Variants in MYO3B observed in about 807,000 individuals in gnomAD.
MYO3B encodes myosin IIIB.
A neutral mutation model predicts 174.6 loss-of-function variants in MYO3B; 156 were observed. That is an observed-to-expected ratio of 0.89 (90% confidence interval 0.78 to 1.02). MYO3B has a LOEUF of 1.02. Among genes scored for constraint, MYO3B ranks in the 50% least tolerant of loss-of-function variants. The pLI, the probability that MYO3B is intolerant of heterozygous loss-of-function variation, is 0.00. For missense variants in MYO3B, 1,632 were observed against 1,639.4 expected, an observed-to-expected ratio of 1.00 and a Z score of 0.08; for synonymous variants, 563 against 569.1, an observed-to-expected ratio of 0.99 and a Z score of 0.15.
At chr2:170,623,083 T>A (rs1204793059) in intron 32 of MYO3B, among the ~76,000 whole-genome samples, 1 of 152,232 alleles carries the variant, frequency 6.6e-6, no homozygotes, top group African/African-American at 2.4e-5. Flanking sequence ...TTTGGGTATA[T>A]ACCCAGTAAT....
intron 32 of MYO3B, among the ~76,000 whole-genome samples, chr2:170,566,490 A>G (rs1013651835): frequency 6.6e-6 from 1 of 152,186 alleles, no homozygotes; most frequent in African/African-American, 2.4e-5. Context: ...GAATTCTGTC[A>G]CCTGGATTTT....
At position 170,373,601 on chromosome 2, in the gene MYO3B, C is replaced by T. The variant is rs1013967944; in HGVS notation, c.971+4224C>T. On this transcript the variant is annotated intron_variant, in intron 9 of 34. Transcript: ENST00000408978. ...CAAGTTCTTAAAGGATGGGGGAACACTTGGACAGGTAAAGGGGAAGGATAT... is the reference window on the plus strand; with the variant it reads ...CAAGTTCTTAAAGGATGGGGGAACATTTGGACAGGTAAAGGGGAAGGATAT... Among the ~76,000 whole-genome samples the T allele has an allele frequency of 4.0e-5, 6 of 151,886 alleles. No homozygotes were observed. In the South Asian group the frequency reaches 1.0e-3, roughly 26 times the overall value.
At chr2:170,283,999 T>C (rs1330446346) in intron 7 of MYO3B, among the ~76,000 whole-genome samples, 3 of 152,238 alleles carry the variant, frequency 2.0e-5, no homozygotes, top group Admixed American at 6.5e-5. Flanking sequence ...GCAGCTCTTA[T>C]GAATTCTTCA....
intron 7 of MYO3B, among the ~76,000 whole-genome samples, chr2:170,322,530 G>A (rs2093836061): frequency 6.6e-6 from 1 of 152,212 alleles, no homozygotes; most frequent in Admixed American, 6.5e-5. Flanking sequence ...GAGAGGGGGT[G>A]CTGCTGTGGT....
intron 7 of MYO3B, among the ~76,000 whole-genome samples, chr2:170,238,798 A>G (rs1293253949): frequency 6.6e-6 from 1 of 152,242 alleles, no homozygotes; most frequent in Non-Finnish European, 1.5e-5. Context: ...GTCAGGAAAT[A>G]GGTGGCAACT....
chr2:170,314,878 A>AC (rs1441428093), intron 7 of MYO3B, among the ~76,000 whole-genome samples: 1 of 152,168 alleles, frequency 6.6e-6, no homozygotes, highest in East Asian at 1.9e-4. Flanking sequence ...TCAATGTTGT[A>AC]TTTCTTACTC....
intron 23 of MYO3B, among the ~76,000 whole-genome samples, chr2:170,446,764 C>T (rs1340953506): frequency 2.6e-5 from 4 of 151,928 alleles, no homozygotes; most frequent in African/African-American, 7.3e-5. Flanking sequence ...ATGGCTGAGA[C>T]CTCTATAACA....
chr2:170,558,038 A>G (rs1009760499), intron 32 of MYO3B, among the ~76,000 whole-genome samples: 5 of 152,166 alleles, frequency 3.3e-5, no homozygotes, highest in Non-Finnish European at 7.4e-5. Context: ...ACCGTGGCTC[A>G]TGCCTGTAAT....
chr2:170,413,849 C>T (rs1051262928), intron 22 of MYO3B, among the ~76,000 whole-genome samples: 1 of 151,932 alleles, frequency 6.6e-6, no homozygotes, highest in Admixed American at 6.5e-5. Context: ...ACCATCCTAG[C>T]TAACATAGTG....
chr2:170,626,219 T>C (rs1465055292), intron 32 of MYO3B, among the ~76,000 whole-genome samples: 1 of 152,256 alleles, frequency 6.6e-6, no homozygotes, highest in Non-Finnish European at 1.5e-5. Flanking sequence ...AAGGACTTGC[T>C]TTATGAATCT....
chr2:170,519,618 A>G, intron 30 of MYO3B, 78 bp downstream of exon 30: 1 of 1,166,912 alleles, frequency 8.6e-7, no homozygotes, highest in Non-Finnish European at 1.3e-6. Context: ...GGTAATGGAT[A>G]ATGCAACAAG....
chr2:170,254,578 G>A (rs913937047), intron 7 of MYO3B, among the ~76,000 whole-genome samples: 2 of 152,188 alleles, frequency 1.3e-5, no homozygotes, highest in Non-Finnish European at 2.9e-5. Context: ...GAGCAGTTCA[G>A]CACCACCCCC....
chr2:170,555,641 G>A (rs1352315405), intron 32 of MYO3B, among the ~76,000 whole-genome samples: 1 of 150,432 alleles, frequency 6.6e-6, no homozygotes, highest in African/African-American at 2.5e-5. Flanking sequence ...GGAGGCTGAG[G>A]TGGGAGGATT....
At chr2:170,525,031 GTC>G (rs551742954) in intron 30 of MYO3B, among the ~76,000 whole-genome samples, 201 of 152,194 alleles carry the variant, frequency 1.3e-3, no homozygotes, top group Middle Eastern at 6.8e-3. Flanking sequence ...TACCCACGTT[GTC>G]TCTATACCTG....
At chr2:170,626,609 T>A (rs1212905196) in intron 32 of MYO3B, among the ~76,000 whole-genome samples, 1 of 152,224 alleles carries the variant, frequency 6.6e-6, no homozygotes, top group Non-Finnish European at 1.5e-5. Flanking sequence ...GCTGGCTATT[T>A]TGCTCATTAG....
intron 22 of MYO3B, among the ~76,000 whole-genome samples, chr2:170,417,652 G>GCCC (rs1216497814): frequency 6.6e-6 from 1 of 152,128 alleles, no homozygotes; most frequent in Non-Finnish European, 1.5e-5. Flanking sequence ...GCTCCCAGTG[G>GCCC]TTTTCTGGCA....
At chr2:170,205,022 C>G (rs764298155) in intron 3 of MYO3B, among the ~76,000 whole-genome samples, 1 of 152,088 alleles carries the variant, frequency 6.6e-6, no homozygotes, top group African/African-American at 2.4e-5. Flanking sequence ...GTGGGCTTAT[C>G]AACTTCACAG....
intron 7 of MYO3B, among the ~76,000 whole-genome samples, chr2:170,259,771 A>G (rs1413195155): frequency 1.3e-5 from 2 of 152,204 alleles, no homozygotes; most frequent in Admixed American, 1.3e-4. Context: ...AAATATCAAT[A>G]AATGGATAAC....
At chr2:170,572,381 T>C (rs1240189077) in intron 32 of MYO3B, among the ~76,000 whole-genome samples, 4 of 151,728 alleles carry the variant, frequency 2.6e-5, no homozygotes, top group African/African-American at 9.7e-5. Context: ...TGAGCTGAGA[T>C]TGCGCCACTG....
Sources: gnomAD v4.1 joint callset for allele counts (sites outside exome capture counted in the v4.1 genomes callset) on GRCh38, gnomAD v4.1.1 for gene constraint, MANE v1.5 for transcripts, NCBI Gene and HGNC (gene_info 2026-07-23, HGNC 2026-07-21) for gene names.